Variants in RARB observed in about 807,000 individuals in gnomAD.
RARB encodes HBV-activated protein.
Under a neutral mutation model 51.9 loss-of-function variants are expected in RARB, and 17 were observed. The ratio of observed to expected loss-of-function variants is 0.33; its 90% CI spans 0.22 to 0.49. The LOEUF (loss-of-function observed/expected upper bound fraction) is 0.49, where lower values mean the gene tolerates loss of function less well. Ranked by LOEUF, RARB falls within the 20% of genes least tolerant of loss-of-function variation. The pLI is 0.99. For missense variants in RARB, 369 were observed against 550.8 expected, an observed-to-expected ratio of 0.67 and a Z score of 3.30; for synonymous variants, 215 against 195.4, an observed-to-expected ratio of 1.10 and a Z score of -0.84.
chr3:25,429,328 G>T (rs1323452346), intron 1 of RARB, among the ~76,000 whole-genome samples: 1 of 152,094 alleles, frequency 6.6e-6, no homozygotes, highest in Non-Finnish European at 1.5e-5. Context: ...CACCCCTTGT[G>T]TATTCCAACA....
At chr3:25,345,664 C>CA (rs71061207) in intron 5 of RARB, among the ~76,000 whole-genome samples, 5,895 of 95,428 alleles carry the variant, frequency 0.062, 407 homozygotes, top group African/African-American at 0.19. Context: ...GACTCCGTCT[C>CA]AAAAAAAAAA....
chr3:25,207,675 GTT>G (rs1701584488), intron 5 of RARB, among the ~76,000 whole-genome samples: 1 of 152,106 alleles, frequency 6.6e-6, no homozygotes, highest in African/African-American at 2.4e-5. Context: ...CCTGTAAAGA[GTT>G]TTGTTTGTGC....
At chr3:24,929,671 C>T (rs1414682356) in intron 2 of RARB, among the ~76,000 whole-genome samples, 1 of 152,046 alleles carries the variant, frequency 6.6e-6, no homozygotes, top group Non-Finnish European at 1.5e-5. Flanking sequence ...TTTCTAGCAG[C>T]TAGGCTGTTA....
At chr3:25,503,736 T>C (rs1170277435) in intron 3 of RARB, among the ~76,000 whole-genome samples, 1 of 152,158 alleles carries the variant, frequency 6.6e-6, no homozygotes, top group Non-Finnish European at 1.5e-5. Context: ...ATTTTTAAAG[T>C]TGAAACAGAA....
chr3:25,544,863 G>A (rs746941417), intron 3 of RARB, among the ~76,000 whole-genome samples: 4 of 152,320 alleles, frequency 2.6e-5, no homozygotes, highest in South Asian at 2.1e-4. Flanking sequence ...TACAGTTGTC[G>A]TAGTTGCACT....
intron 5 of RARB, among the ~76,000 whole-genome samples, chr3:25,344,921 C>T (rs1392042179): frequency 1.3e-5 from 2 of 150,692 alleles, no homozygotes; most frequent in Non-Finnish European, 2.9e-5. Context: ...CATTCTCATG[C>T]ACGGTCTCTG....
At chr3:25,257,155 G>T (rs1559334520) in intron 5 of RARB, among the ~76,000 whole-genome samples, 1 of 152,104 alleles carries the variant, frequency 6.6e-6, no homozygotes, top group Non-Finnish European at 1.5e-5. Context: ...AGTAAGTTCA[G>T]CATGACTCAG....
At chr3:25,347,014 TA>T (rs1705416013) in intron 5 of RARB, among the ~76,000 whole-genome samples, 1 of 152,154 alleles carries the variant, frequency 6.6e-6, no homozygotes, top group South Asian at 2.1e-4. Context: ...GCATTGGGAA[TA>T]TAGGTTTCAG....
intron 4 of RARB, among the ~76,000 whole-genome samples, chr3:25,164,355 T>C (rs865863103): frequency 5.3e-5 from 8 of 152,300 alleles, no homozygotes; most frequent in Middle Eastern, 3.4e-3. Flanking sequence ...ACCTGCTTCA[T>C]ATAGGTGGGA....
chr3:25,066,141 G>A (rs1365454992), intron 3 of RARB, among the ~76,000 whole-genome samples: 1 of 152,120 alleles, frequency 6.6e-6, no homozygotes, highest in Non-Finnish European at 1.5e-5. Flanking sequence ...TTTAATGTGA[G>A]AGACATAATT....
At chr3:25,286,419 AAT>A (rs1289263810) in intron 5 of RARB, among the ~76,000 whole-genome samples, 1 of 151,942 alleles carries the variant, frequency 6.6e-6, no homozygotes, top group Non-Finnish European at 1.5e-5. Context: ...ACCTCTCTTG[AAT>A]ATGTTATTTT....
At chr3:25,133,444 C>A (rs988077408) in intron 4 of RARB, among the ~76,000 whole-genome samples, 1 of 151,874 alleles carries the variant, frequency 6.6e-6, no homozygotes, top group Admixed American at 6.6e-5. Context: ...CTCATCAGCA[C>A]CCTGGAGGAT....
chr3:25,150,761 T>C (rs1474879683), intron 4 of RARB, among the ~76,000 whole-genome samples: 1 of 152,150 alleles, frequency 6.6e-6, no homozygotes, highest in African/African-American at 2.4e-5. Flanking sequence ...CAATAATGTA[T>C]TGCAAAAATA....
At chr3:25,395,179 C>G (rs11712725) in intron 5 of RARB, among the ~76,000 whole-genome samples, 2,775 of 152,248 alleles carry the variant, frequency 0.018, 28 homozygotes, top group Non-Finnish European at 0.027. Context: ...TCACTGGATA[C>G]AAAATTCTTA....
chr3:25,249,476 C>T (rs986107337), intron 5 of RARB, among the ~76,000 whole-genome samples: 2 of 151,966 alleles, frequency 1.3e-5, no homozygotes, highest in South Asian at 4.1e-4. Flanking sequence ...TTGTTGTGAT[C>T]CTTTGGAGGT....
intron 4 of RARB, among the ~76,000 whole-genome samples, chr3:25,154,727 T>C (rs891413918): frequency 1.3e-5 from 2 of 152,210 alleles, no homozygotes; most frequent in African/African-American, 4.8e-5. Context: ...GCTCAGAGTT[T>C]ACATTTTCTA....
At chr3:25,388,438 C>T (rs1706856535) in intron 5 of RARB, among the ~76,000 whole-genome samples, 1 of 152,222 alleles carries the variant, frequency 6.6e-6, no homozygotes, top group Non-Finnish European at 1.5e-5. Flanking sequence ...CAGAGCATTA[C>T]AATATACTTA....
chr3:25,398,510 C>T (rs1202624870), intron 5 of RARB, among the ~76,000 whole-genome samples: 1 of 152,158 alleles, frequency 6.6e-6, no homozygotes, highest in Non-Finnish European at 1.5e-5. Flanking sequence ...ATATTGCTGG[C>T]ATATATCTTA....
chr3:25,460,725 G>A (rs965321695), intron 1 of RARB, among the ~76,000 whole-genome samples: 1 of 152,132 alleles, frequency 6.6e-6, no homozygotes, highest in Non-Finnish European at 1.5e-5. Flanking sequence ...TAGGATTACA[G>A]GTGTGAGCTA....
Sources: gnomAD v4.1 joint callset for allele counts (sites outside exome capture counted in the v4.1 genomes callset) on GRCh38, gnomAD v4.1.1 for gene constraint, MANE v1.5 for transcripts, NCBI Gene and HGNC (gene_info 2026-07-23, HGNC 2026-07-21) for gene names.